CCDC148: variants seen among roughly 807,000 people sequenced by gnomAD.
The protein encoded by CCDC148 is coiled-coil domain containing 148.
A neutral mutation model predicts 85.7 loss-of-function variants in CCDC148; 89 were observed. The observed-to-expected ratio is 1.04, with a 90% CI of 0.87 to 1.24. The LOEUF is 1.24. Among genes scored for constraint, CCDC148 ranks in the 50% most tolerant of loss-of-function variants. The probability of loss-of-function intolerance (pLI) is 0.00; values close to 1 mark genes in which losing one functional copy is unlikely to be tolerated. For missense variants in CCDC148, 692 were observed against 671.7 expected (o/e 1.03, Z -0.33); for synonymous variants, 230 against 213.9 (o/e 1.08, Z -0.66).
At chr2:158,429,171 G>A (rs972195770) in intron 1 of CCDC148, among the ~76,000 whole-genome samples, 8 of 151,994 alleles carry the variant, frequency 5.3e-5, no homozygotes, top group Non-Finnish European at 1.0e-4. Context: ...AGCATTAGGA[G>A]ATATACCTAA....
At chr2:158,427,698 C>T (rs906644215) in intron 1 of CCDC148, among the ~76,000 whole-genome samples, 3 of 151,816 alleles carry the variant, frequency 2.0e-5, no homozygotes, top group African/African-American at 7.3e-5. Context: ...GGCGAGACCC[C>T]ATCTCTAAAA....
intron 11 of CCDC148, among the ~76,000 whole-genome samples, chr2:158,218,058 C>T (rs528145224): frequency 1.6e-4 from 25 of 152,286 alleles, no homozygotes; most frequent in African/African-American, 6.0e-4. Context: ...GAGGAATATA[C>T]ATCTATAATA....
chr2:158,210,458 A>C (rs1046586827), intron 11 of CCDC148, among the ~76,000 whole-genome samples: 3 of 152,142 alleles, frequency 2.0e-5, no homozygotes, highest in Non-Finnish European at 4.4e-5. Context: ...TGGATCAAGC[A>C]GACCTAATAG....
intron 9 of CCDC148, among the ~76,000 whole-genome samples, chr2:158,272,384 G>A (rs1384451131): frequency 1.3e-5 from 2 of 152,106 alleles, no homozygotes; most frequent in African/African-American, 4.8e-5. Context: ...GTTTATGGAA[G>A]GTGAAGTATA....
chr2:158,344,843 A>G (rs1269100744), intron 3 of CCDC148, among the ~76,000 whole-genome samples: 7 of 152,116 alleles, frequency 4.6e-5, no homozygotes, highest in Admixed American at 2.6e-4. Context: ...AATGAATATG[A>G]TGAGATGTTT....
At chr2:158,179,112 T>G in intron 11 of CCDC148, 116 bp from the exon 12 acceptor site, 1 of 623,150 alleles carries the variant, frequency 1.6e-6, no homozygotes, top group Non-Finnish European at 2.7e-6. Flanking sequence ...TCACATTTTT[T>G]TTTTTACTGA....
intron 1 of CCDC148, among the ~76,000 whole-genome samples, chr2:158,411,899 G>A (rs997348986): frequency 3.3e-5 from 5 of 151,910 alleles, no homozygotes; most frequent in African/African-American, 1.2e-4. Flanking sequence ...AGCAGTGCTG[G>A]GTGCATGGGT....
chr2:158,213,083 A>G (rs7570008), intron 11 of CCDC148, among the ~76,000 whole-genome samples: 10,882 of 152,228 alleles, frequency 0.071, 571 homozygotes, highest in African/African-American at 0.15. Context: ...GTTGGTCTGG[A>G]GTCTGGCCTG....
intron 1 of CCDC148, among the ~76,000 whole-genome samples, chr2:158,452,076 A>C (rs181298018): frequency 6.6e-5 from 10 of 152,366 alleles, no homozygotes; most frequent in African/African-American, 2.4e-4. Flanking sequence ...TCAATGTCTG[A>C]GAATTAAACT....
At chr2:158,182,256 T>C (rs1684940657) in intron 11 of CCDC148, among the ~76,000 whole-genome samples, 1 of 149,810 alleles carries the variant, frequency 6.7e-6, no homozygotes, top group Admixed American at 6.6e-5. Flanking sequence ...AGAAAAAGAG[T>C]GTAGAGTAAG....
chr2:158,337,910 C>T (rs891241452), intron 7 of CCDC148, among the ~76,000 whole-genome samples: 27 of 152,138 alleles, frequency 1.8e-4, no homozygotes, highest in African/African-American at 6.0e-4. Context: ...TTGTCATATT[C>T]GTCTTCTTCC....
chr2:158,376,967 G>C (rs1444760183), intron 1 of CCDC148, among the ~76,000 whole-genome samples: 1 of 151,994 alleles, frequency 6.6e-6, no homozygotes, highest in Non-Finnish European at 1.5e-5. Flanking sequence ...ACCTGGAGAA[G>C]AGGGAGGTGA....
chr2:158,219,442 G>A (rs1383104739), intron 11 of CCDC148, among the ~76,000 whole-genome samples: 1 of 152,150 alleles, frequency 6.6e-6, no homozygotes, highest in East Asian at 1.9e-4. Context: ...ATATTAAGCA[G>A]TGTCAGAAAA....
chr2:158,411,524 G>A (rs895202927), intron 1 of CCDC148, among the ~76,000 whole-genome samples: 3 of 151,766 alleles, frequency 2.0e-5, no homozygotes, highest in Non-Finnish European at 4.4e-5. Flanking sequence ...TAGAATTTCT[G>A]TTTTGTTCTT....
chr2:158,389,800 T>A (rs999684683), intron 1 of CCDC148, among the ~76,000 whole-genome samples: 4 of 152,222 alleles, frequency 2.6e-5, no homozygotes, highest in Non-Finnish European at 5.9e-5. Flanking sequence ...GCAGATGAAA[T>A]GTCCTGCTCT....
At chr2:158,392,288 C>T (rs1319905287) in intron 1 of CCDC148, among the ~76,000 whole-genome samples, 1 of 152,108 alleles carries the variant, frequency 6.6e-6, no homozygotes, top group African/African-American at 2.4e-5. Context: ...TCTGCAACAG[C>T]TCTGGGCATT....
At chr2:158,449,246 T>C (rs904473776) in intron 1 of CCDC148, among the ~76,000 whole-genome samples, 2 of 152,214 alleles carry the variant, frequency 1.3e-5, no homozygotes, top group African/African-American at 4.8e-5. Context: ...TAGGTCCTAG[T>C]AGGATTTTTT....
chr2:158,254,459 G>A (rs1474127959), intron 9 of CCDC148, among the ~76,000 whole-genome samples: 3 of 151,578 alleles, frequency 2.0e-5, no homozygotes, highest in South Asian at 2.1e-4. Context: ...TTTGACTAAC[G>A]AATGGATAAC....
intron 9 of CCDC148, among the ~76,000 whole-genome samples, chr2:158,297,622 T>G (rs1385384748): frequency 6.6e-6 from 1 of 152,148 alleles, no homozygotes; most frequent in Non-Finnish European, 1.5e-5. Flanking sequence ...CACAGCAGAA[T>G]CCACCCTAGA....
Sources: gnomAD v4.1 joint callset for allele counts (sites outside exome capture counted in the v4.1 genomes callset) on GRCh38, gnomAD v4.1.1 for gene constraint, MANE v1.5 for transcripts, NCBI Gene and HGNC (gene_info 2026-07-23, HGNC 2026-07-21) for gene names.